Variants in HSPA13 observed in about 807,000 individuals in gnomAD.
HSPA13 encodes the protein heat shock 70 kDa protein 13.
Under a neutral mutation model 38.8 loss-of-function variants are expected in HSPA13, and 29 were observed. That is an observed-to-expected ratio of 0.75 (90% CI 0.56 to 1.02). The LOEUF (loss-of-function observed/expected upper bound fraction) is 1.02. HSPA13 is among the 50% of genes least tolerant of loss of function. The probability of loss-of-function intolerance (pLI) is 0.00; values close to 1 mark genes in which losing one functional copy is unlikely to be tolerated. For synonymous variants in HSPA13, 192 were observed against 205.3 expected (o/e 0.94, Z 0.56); for missense variants, 451 against 560.9 (o/e 0.80, Z 1.98).
At position 14,381,216 on chromosome 21, in the gene HSPA13, C is replaced by G; in HGVS notation, c.353G>C (p.Arg118Thr). 1 of 1,600,544 alleles carries G rather than the reference C, an allele frequency of 6.2e-7. No individual in the cohort carries two copies. The change falls in exon 2 of 5, where the codon AGA becomes ACA. Residue 118 changes from arginine (R) to threonine (T), a missense_variant. Arg to Thr is a moderately conservative substitution (Grantham distance 71). Coordinates refer to ENST00000285667, the MANE Select transcript of HSPA13 (RefSeq NM_006948.5). ...TTAATCACTTACCTTAAATGGGTAT[C>G]TGCCAATTTCAGCCTCCAACTCTTC... ...TAEELEAEIG[R>T]YPFKVLNKNG...
At chr21:14,380,834 T>C (rs926031052) in intron 2 of HSPA13, among the ~76,000 whole-genome samples, 1 of 152,176 alleles carries the variant, frequency 6.6e-6, no homozygotes, top group African/African-American at 2.4e-5. Context: ...ACATATTAAA[T>C]AGCAAAAAAT....
rs1469795583 is a variant in HSPA13 at position 14,381,497 on chromosome 21, C to T, written c.72G>A (p.Gln24=). Residue 24 remains glutamine (Q), a synonymous_variant, in exon 2 of 5, where the codon CAG becomes CAA. Transcript: ENST00000285667. ...TLLLAGYLAQ[Q]YLPLPTPKVI... ...CTTTAGGAGTAGGCAATGGTAAATA[C>T]TGTTGTGCCAAATAGCCGGCCAACA... The T allele has an allele frequency of 3.7e-6, 6 of 1,607,154 alleles. No individual in the cohort carries two copies. The South Asian group carries it at 5.5e-5, about 15-fold the overall frequency.
intron 3 of HSPA13, among the ~76,000 whole-genome samples, chr21:14,377,229 A>G (rs1473555853): frequency 1.3e-5 from 2 of 152,372 alleles, no homozygotes; most frequent in Non-Finnish European, 2.9e-5. Context: ...CTGGTAGAAC[A>G]TAAGTTCCAT....
intron 1 of HSPA13, among the ~76,000 whole-genome samples, chr21:14,382,556 T>A (rs574455193): frequency 6.6e-6 from 1 of 152,016 alleles, no homozygotes; most frequent in Admixed American, 6.5e-5. Context: ...CAAGTGCGAA[T>A]CCCACTTTCC....
intron 1 of HSPA13, 67 bp from the exon 2 acceptor site, chr21:14,381,610 A>G: frequency 7.5e-7 from 1 of 1,328,112 alleles, no homozygotes; most frequent in East Asian, 2.5e-5. Flanking sequence ...TTACTGTAGC[A>G]AAGTCCCTTT....
chr21:14,373,429 T>A lies in HSPA13; in HGVS notation c.*188A>T, dbSNP rs1172521361. On this transcript the variant is annotated 3_prime_UTR_variant, in exon 5 of 5. Transcript: ENST00000285667. Reference sequence around the variant, plus strand: ...TTGTTAGAATAGGATCTCTCCAAAATCAAACAGGATCAATCTGGTCACGTC... The same window carrying A: ...TTGTTAGAATAGGATCTCTCCAAAAACAAACAGGATCAATCTGGTCACGTC... 7.1e-6 allele frequency: 4 copies of A among 564,556 alleles called. No individual in the cohort carries two copies. In the East Asian group the frequency reaches 1.1e-4, roughly 16 times the overall value. 35.0% of individuals were successfully genotyped at this position (564,556 alleles called of 1,614,324 possible).
rs1202909778 is a variant in HSPA13 at position 14,373,599 on chromosome 21, C to A, written c.*18G>T. On this transcript the variant is annotated 3_prime_UTR_variant, in exon 5 of 5. Transcript: ENST00000285667. ...GATCATCAGACAAGTTCACAAATAA[C>A]CATTATTTCTGCAGAATTCAGTTGA... 1.3e-6 allele frequency: 2 copies of A among 1,576,932 alleles called. No homozygotes were observed. The highest frequency in any genetic ancestry group is 2.2e-5 in the East Asian group (1 of 44,678).
intron 1 of HSPA13, among the ~76,000 whole-genome samples, chr21:14,381,855 AG>A (rs1204441129): frequency 6.6e-6 from 1 of 152,228 alleles, no homozygotes; most frequent in Non-Finnish European, 1.5e-5. Flanking sequence ...GATGCTGACA[AG>A]AAACAACATT....
At chr21:14,377,374 GAAGA>G (rs780977391) in intron 3 of HSPA13, among the ~76,000 whole-genome samples, 24 of 152,242 alleles carry the variant, frequency 1.6e-4, no homozygotes, top group Non-Finnish European at 1.3e-4. Flanking sequence ...ACGGAATTTA[GAAGA>G]AAGAATTCCT....
chr21:14,380,179 A>T (rs1339164575), intron 2 of HSPA13, among the ~76,000 whole-genome samples: 1 of 152,082 alleles, frequency 6.6e-6, no homozygotes, highest in Admixed American at 6.5e-5. Context: ...AGGGAAAAAA[A>T]AGTAGCAGTG....
At position 14,373,652 on chromosome 21, in the gene HSPA13, G is replaced by GA; in HGVS notation, c.1380dup (p.Pro461SerfsTer3). 1 of 1,612,330 alleles carries GA rather than the reference G, an allele frequency of 6.2e-7. No homozygotes were observed. Among genetic ancestry groups the GA allele is most frequent in the Non-Finnish European group, 8.5e-7 (1 of 1,179,696 alleles). ...TTGGTTTTTTGTAAATGCTTATTGGGAATTTCTAAAGCACTGACTTGGAGA... is the reference window on the plus strand; with the variant it reads ...TTGGTTTTTTGTAAATGCTTATTGGGAAATTTCTAAAGCACTGACTTGGAGA... On this transcript the variant is annotated frameshift_variant, in exon 5 of 5. Coordinates refer to ENST00000285667, the MANE Select transcript of HSPA13 (RefSeq NM_006948.5). LOFTEE classifies it high-confidence loss of function.
Position 14,375,744 on chromosome 21 carries a change from A to T in HSPA13, c.656T>A (p.Phe219Tyr). The change falls in exon 4 of 5, where the codon TTC becomes TAC. Residue 219 changes from phenylalanine to tyrosine, a missense_variant. By Grantham distance (22) the Phe-to-Tyr change is conservative. Transcript: ENST00000285667. ...GCCCAAGTCTATCACCAAGACGTGGAAGACGTCAGCCTTGTGGAGACCATA... is the reference window on the plus strand; with the variant it reads ...GCCCAAGTCTATCACCAAGACGTGGTAGACGTCAGCCTTGTGGAGACCATA... Reference protein sequence around the residue: ...MAYGLHKADVFHVLVIDLGGG... With the variant: ...MAYGLHKADVYHVLVIDLGGG... 6.2e-7 allele frequency: 1 copy of T among 1,613,998 alleles called. No homozygotes were observed. The highest frequency in any genetic ancestry group is 8.5e-7 in the Non-Finnish European group (1 of 1,179,846).
In HSPA13 at chr21:14,375,798, A is replaced by G; in HGVS notation, c.602T>C (p.Ile201Thr). 6.2e-7 allele frequency: 1 copy of G among 1,613,822 alleles called. No homozygotes were observed. ...CATAGCTGCTGCTGTGGGTTCATTT[A>G]TTACCCTCAAAATCTTCAGTCCTGT... ...NLAGLKILRV[I>T]NEPTAAAMAY... Residue 201 changes from isoleucine to threonine, a missense_variant, in exon 4 of 5, where the codon ATA (isoleucine) becomes ACA (threonine). Transcript: ENST00000285667.
chr21:14,378,489 A>T, intron 2 of HSPA13, 77 bp from the exon 3 acceptor site: 1 of 861,962 alleles, frequency 1.2e-6, no homozygotes, highest in Non-Finnish European at 1.8e-6. Context: ...CATAAATACT[A>T]GATTTCATGA....
rs1223140444 is a variant in HSPA13 at position 14,372,460 on chromosome 21, T to G, written c.*1157A>C. ...CTCCAAATGCCGATTTGTAGAAACC[T>G]TGCCACAATGGCTTCCACATTAGAT... On this transcript the variant is annotated 3_prime_UTR_variant, in exon 5 of 5. Transcript: ENST00000285667. The G allele has an allele frequency of 6.6e-6, 1 of 152,124 alleles. No individual in the cohort carries two copies. Among genetic ancestry groups the G allele is most frequent in the East Asian group, 1.9e-4 (1 of 5,198 alleles). 9.4% of individuals were successfully genotyped at this position (152,124 alleles called of 1,614,324 possible).
chr21:14,377,187 ATTTACCT>A (rs1984049342), intron 3 of HSPA13, among the ~76,000 whole-genome samples: 1 of 152,226 alleles, frequency 6.6e-6, no homozygotes, highest in Admixed American at 6.5e-5. Context: ...ACATTATTAA[ATTTACCT>A]TTTATGCTCA....
At chr21:14,377,745 G>A (rs894171244) in intron 3 of HSPA13, among the ~76,000 whole-genome samples, 2 of 152,384 alleles carry the variant, frequency 1.3e-5, no homozygotes, top group African/African-American at 4.8e-5. Context: ...TAGACTGCCT[G>A]AGTCTTCTGG....
At position 14,381,588 on chromosome 21, in the gene HSPA13, C is replaced by T. The variant is rs201926697; in HGVS notation, c.26-45G>A. On this transcript the variant is annotated intron_variant, in intron 1 of 4. Coordinates refer to ENST00000285667, the MANE Select transcript of HSPA13 (RefSeq NM_006948.5). ...AAAGATGTATTTTATCAAACTAGTACAATGTACTAAATTACTGTAGCAAAG... is the reference window on the plus strand; with the variant it reads ...AAAGATGTATTTTATCAAACTAGTATAATGTACTAAATTACTGTAGCAAAG... 1.2e-3 allele frequency: 1,714 copies of T among 1,451,936 alleles called. 2 individuals carry two copies. The highest frequency in any genetic ancestry group is 1.4e-3 in the Non-Finnish European group (1,510 of 1,075,406). 89.9% of individuals were successfully genotyped at this position (1,451,936 alleles called of 1,614,324 possible). A position where few individuals can be genotyped will look rare whatever the true frequency, so the allele number is the denominator to read the frequency against.
intron 3 of HSPA13, 98 bp downstream of exon 3, chr21:14,378,101 A>G: frequency 2.4e-6 from 2 of 840,934 alleles, no homozygotes; most frequent in Non-Finnish European, 1.9e-6. Context: ...TATTTTGACT[A>G]TGGTTGTGTG....
Sources: gnomAD v4.1 joint callset for allele counts (sites outside exome capture counted in the v4.1 genomes callset) on GRCh38, gnomAD v4.1.1 for gene constraint, MANE v1.5 for transcripts, NCBI Gene and HGNC (gene_info 2026-07-23, HGNC 2026-07-21) for gene names.